KCNH8: variants seen among roughly 807,000 people sequenced by gnomAD.
The protein encoded by KCNH8 is voltage-gated delayed rectifier potassium channel KCNH8.
KCNH8 carries 70 observed loss-of-function variants against 103.6 expected under a neutral mutation model. The observed-to-expected ratio is 0.68, with a 90% confidence interval of 0.56 to 0.82. KCNH8 has a LOEUF of 0.82. Ranked by LOEUF, KCNH8 falls within the 40% of genes least tolerant of loss-of-function variation. KCNH8 has a pLI of 0.00. For missense variants in KCNH8, 1,217 were observed against 1,329.9 expected, an observed-to-expected ratio of 0.92 and a Z score of 1.32; for synonymous variants, 498 against 489.4, an observed-to-expected ratio of 1.02 and a Z score of -0.23.
intron 5 of KCNH8, among the ~76,000 whole-genome samples, chr3:19,387,792 A>G (rs2066377760): frequency 6.6e-6 from 1 of 152,152 alleles, no homozygotes; most frequent in Non-Finnish European, 1.5e-5. Context: ...CTCTTTGTGT[A>G]TAAAAGTCTT....
At chr3:19,326,390 G>T (rs1263861857) in intron 3 of KCNH8, among the ~76,000 whole-genome samples, 1 of 135,188 alleles carries the variant, frequency 7.4e-6, no homozygotes, top group African/African-American at 3.0e-5. Context: ...TATAATAAAT[G>T]ATTATGATTT....
chr3:19,226,021 T>A (rs371953982), intron 1 of KCNH8, among the ~76,000 whole-genome samples: 2 of 152,234 alleles, frequency 1.3e-5, no homozygotes, highest in South Asian at 2.1e-4. Flanking sequence ...ATATGTATTT[T>A]GAAGTAATTC....
intron 3 of KCNH8, among the ~76,000 whole-genome samples, chr3:19,295,383 C>CAAATAAAT (rs554786703): frequency 0.049 from 7,134 of 145,346 alleles, 207 homozygotes; most frequent in Admixed American, 0.069. Context: ...GACCCTGTCT[C>CAAATAAAT]AAATAAATAA....
intron 1 of KCNH8, among the ~76,000 whole-genome samples, chr3:19,184,374 T>C (rs545415168): frequency 6.6e-6 from 1 of 151,960 alleles, no homozygotes; most frequent in East Asian, 1.9e-4. Flanking sequence ...GACAACAGTA[T>C]AAAAAGAAGC....
chr3:19,533,364 T>A, intron 15 of KCNH8, 31 bp from the exon 16 acceptor site: 1 of 1,433,340 alleles, frequency 7.0e-7, no homozygotes, highest in Non-Finnish European at 9.8e-7. Context: ...CACCTCTAAC[T>A]ATTGTCTTTC....
intron 11 of KCNH8, among the ~76,000 whole-genome samples, chr3:19,481,899 A>T (rs879779513): frequency 2.6e-5 from 4 of 152,184 alleles, no homozygotes; most frequent in Non-Finnish European, 4.4e-5. Flanking sequence ...TCTTAACTTG[A>T]TGGATGAAGT....
chr3:19,285,582 G>A (rs574715873), intron 3 of KCNH8, among the ~76,000 whole-genome samples: 1 of 152,150 alleles, frequency 6.6e-6, no homozygotes, highest in East Asian at 1.9e-4. Context: ...TTGAGTCTCT[G>A]CTTCATGCTA....
At chr3:19,239,686 C>T (rs1022344041) in intron 1 of KCNH8, among the ~76,000 whole-genome samples, 5 of 150,736 alleles carry the variant, frequency 3.3e-5, no homozygotes, top group Admixed American at 1.3e-4. Context: ...ATCTATCTAC[C>T]TACCTACCTA....
At chr3:19,461,989 G>T (rs1180831767) in intron 11 of KCNH8, among the ~76,000 whole-genome samples, 1 of 152,138 alleles carries the variant, frequency 6.6e-6, no homozygotes, top group East Asian at 1.9e-4. Context: ...TTTTATGGCT[G>T]CATAGTATTC....
At chr3:19,357,464 A>G (rs949664945) in intron 5 of KCNH8, among the ~76,000 whole-genome samples, 1 of 149,654 alleles carries the variant, frequency 6.7e-6, no homozygotes, top group South Asian at 2.1e-4. Context: ...GTTACTAATC[A>G]TCATATCATT....
intron 5 of KCNH8, among the ~76,000 whole-genome samples, chr3:19,356,273 T>TTTAAATATTAATA (rs765916002): frequency 1.8e-4 from 28 of 152,064 alleles, no homozygotes; most frequent in Admixed American, 5.3e-4. Flanking sequence ...AAGAAATTTA[T>TTTAAATATTAATA]TTAAATATGA....
At chr3:19,367,474 A>G (rs568758757) in intron 5 of KCNH8, among the ~76,000 whole-genome samples, 6 of 147,704 alleles carry the variant, frequency 4.1e-5, no homozygotes, top group Non-Finnish European at 6.0e-5. Context: ...CATAATATAT[A>G]TATATCAGAA....
intron 1 of KCNH8, among the ~76,000 whole-genome samples, chr3:19,186,793 G>A (rs537596213): frequency 7.1e-4 from 108 of 152,068 alleles, no homozygotes; most frequent in African/African-American, 2.5e-3. Context: ...GATAAAACTG[G>A]CTTTTCCATT....
chr3:19,417,611 G>A (rs953347220), intron 7 of KCNH8, among the ~76,000 whole-genome samples: 1 of 151,784 alleles, frequency 6.6e-6, no homozygotes, highest in African/African-American at 2.4e-5. Flanking sequence ...CGGTTACCAG[G>A]AATATAAATT....
chr3:19,461,913 T>A (rs771726996), intron 11 of KCNH8, among the ~76,000 whole-genome samples: 1 of 152,022 alleles, frequency 6.6e-6, no homozygotes, highest in East Asian at 1.9e-4. Flanking sequence ...GTCCTTGTGA[T>A]AGTTTGCTCA....
intron 1 of KCNH8, among the ~76,000 whole-genome samples, chr3:19,160,084 A>G (rs967932395): frequency 2.6e-5 from 4 of 152,146 alleles, no homozygotes; most frequent in Non-Finnish European, 4.4e-5. Context: ...GAGAAAATGC[A>G]GACATTTACA....
chr3:19,149,414 G>A (rs989796683), intron 1 of KCNH8, among the ~76,000 whole-genome samples: 3 of 151,440 alleles, frequency 2.0e-5, no homozygotes, highest in Non-Finnish European at 4.4e-5. Flanking sequence ...AGAAGGACAT[G>A]AATAAAGACG....
At chr3:19,255,439 A>G (rs941448130) in intron 2 of KCNH8, among the ~76,000 whole-genome samples, 13 of 152,098 alleles carry the variant, frequency 8.5e-5, no homozygotes, top group African/African-American at 2.4e-4. Context: ...CTCTTTTCCT[A>G]TTTGAATACC....
intron 7 of KCNH8, among the ~76,000 whole-genome samples, chr3:19,419,937 C>T (rs561238256): frequency 1.3e-5 from 2 of 152,148 alleles, no homozygotes; most frequent in African/African-American, 4.8e-5. Flanking sequence ...TGACAGCTCT[C>T]AATGAACCTG....
Sources: allele counts gnomAD v4.1 joint callset (sites outside exome capture counted in the v4.1 genomes callset), GRCh38; gene constraint gnomAD v4.1.1; transcripts MANE v1.5; gene names NCBI Gene and HGNC (gene_info 2026-07-23, HGNC 2026-07-21).